DOK6: variants seen among roughly 807,000 people sequenced by gnomAD.
DOK6 encodes the protein downstream of tyrosine kinase 6.
Under a neutral mutation model 44.0 loss-of-function variants are expected in DOK6, and 22 were observed. The observed-to-expected ratio is 0.50, with a 90% CI of 0.36 to 0.71. The LOEUF is 0.71. Among genes scored for constraint, DOK6 ranks in the 30% least tolerant of loss-of-function variants. The pLI, the probability that DOK6 is intolerant of heterozygous loss-of-function variation, is 0.00. For missense variants in DOK6, 340 were observed against 416.4 expected, an observed-to-expected ratio of 0.82 and a Z score of 1.60; for synonymous variants, 166 against 145.5, an observed-to-expected ratio of 1.14 and a Z score of -1.01.
At chr18:69,692,844 A>C (rs1986298179) in intron 4 of DOK6, among the ~76,000 whole-genome samples, 1 of 152,250 alleles carries the variant, frequency 6.6e-6, no homozygotes, top group East Asian at 1.9e-4. Context: ...GTTTACAGCT[A>C]CTGTATACAT....
chr18:69,434,928 AAGGG>A (rs377517457), intron 1 of DOK6, among the ~76,000 whole-genome samples: 25,175 of 70,986 alleles, frequency 0.35, 5,249 homozygotes, highest in Middle Eastern at 0.55. Flanking sequence ...CAAAAGAAAA[AAGGG>A]AGGGAGGGAG....
chr18:69,456,565 A>G (rs1979639889), intron 1 of DOK6, among the ~76,000 whole-genome samples: 1 of 152,042 alleles, frequency 6.6e-6, no homozygotes, highest in Admixed American at 6.6e-5. Flanking sequence ...GGATACCTAA[A>G]TTGAGTCCAT....
intron 3 of DOK6, among the ~76,000 whole-genome samples, chr18:69,600,674 TA>T (rs916821931): frequency 9.6e-4 from 146 of 151,558 alleles, no homozygotes; most frequent in African/African-American, 3.3e-3. Flanking sequence ...AACTAGTATT[TA>T]AAAAAAAACT....
Position 69,836,488 on chromosome 18 carries a change from GT to G in DOK6, c.857-4746del, listed in dbSNP as rs56067551. ...TTGAACTATGAGATAAATGTGATAT[GT>G]TTTTTTTTTCCCCAGATTGTCAACA... On this transcript the variant is annotated intron_variant, in intron 7 of 7. Coordinates refer to ENST00000382713, the MANE Select transcript of DOK6 (RefSeq NM_152721.6). Among the ~76,000 whole-genome samples the G allele has an allele frequency of 7.9e-3, 1,180 of 148,638 alleles. 17 individuals carry two copies. The highest frequency in any genetic ancestry group is 0.027 in the African/African-American group (1,078 of 40,162).
intron 1 of DOK6, among the ~76,000 whole-genome samples, chr18:69,487,423 G>A (rs1247354357): frequency 1.3e-5 from 2 of 152,084 alleles, no homozygotes; most frequent in Non-Finnish European, 2.9e-5. Flanking sequence ...GACAACTGGG[G>A]CAAAATCTGC....
intron 7 of DOK6, among the ~76,000 whole-genome samples, chr18:69,785,370 G>A (rs1035011397): frequency 6.6e-6 from 1 of 152,098 alleles, no homozygotes; most frequent in African/African-American, 2.4e-5. Flanking sequence ...GTCCTGTTTT[G>A]CCCAGACATC....
intron 3 of DOK6, among the ~76,000 whole-genome samples, chr18:69,658,232 G>A (rs1028435383): frequency 3.3e-5 from 5 of 152,128 alleles, no homozygotes; most frequent in East Asian, 1.9e-4. Context: ...GAATACAAGC[G>A]TTAAGCCACC....
intron 1 of DOK6, among the ~76,000 whole-genome samples, chr18:69,505,553 A>G (rs1194533730): frequency 8.9e-5 from 12 of 134,554 alleles, no homozygotes; most frequent in African/African-American, 3.1e-4. Context: ...GCTGGAGTGC[A>G]ATGGTGTAAT....
At chr18:69,785,222 A>G (rs750788512) in intron 7 of DOK6, among the ~76,000 whole-genome samples, 2 of 152,246 alleles carry the variant, frequency 1.3e-5, no homozygotes, top group Non-Finnish European at 2.9e-5. Context: ...GGAGCTGGAC[A>G]CTAAACAGAT....
At position 69,599,641 on chromosome 18, in the gene DOK6, C is replaced by T. The variant is rs6566432; in HGVS notation, c.289+143C>T. The stretch of plus-strand genomic sequence containing the variant: ...TAGAAGACTTCGTTCAGAAGCTCAA[C>T]GTATTGATTTCTACAGATGTTTTTG... On this transcript the variant is annotated intron_variant, in intron 3 of 7. Coordinates refer to ENST00000382713, the MANE Select transcript of DOK6 (RefSeq NM_152721.6). 0.015 allele frequency: 9,225 copies of T among 629,128 alleles called. 611 individuals are homozygous for T. The African/African-American group carries it at 0.15, about 10-fold the overall frequency. The allele number at this position is 629,128 out of a possible 1,614,324, so 39.0% of individuals were successfully genotyped here.
intron 5 of DOK6, among the ~76,000 whole-genome samples, chr18:69,715,975 A>G (rs1312704457): frequency 2.0e-5 from 3 of 152,244 alleles, no homozygotes; most frequent in African/African-American, 4.8e-5. Flanking sequence ...GAGAACTAGA[A>G]AACAAAACCA....
At chr18:69,660,123 C>T (rs1441510968) in intron 3 of DOK6, 2 of 151,960 alleles carry the variant, frequency 1.3e-5, no homozygotes, top group Admixed American at 6.6e-5. Context: ...AAGCAGCTTC[C>T]ATGCATGACA....
chr18:69,806,050 G>A (rs1355195936), intron 7 of DOK6, among the ~76,000 whole-genome samples: 2 of 151,732 alleles, frequency 1.3e-5, no homozygotes, highest in East Asian at 3.9e-4. Flanking sequence ...TTTCTTCAAA[G>A]TTTCTTGGAC....
intron 7 of DOK6, among the ~76,000 whole-genome samples, chr18:69,799,179 G>A (rs753505586): frequency 4.0e-5 from 6 of 151,896 alleles, no homozygotes; most frequent in South Asian, 2.1e-4. Context: ...AAATGGAGTC[G>A]TGAGCTAAAA....
intron 5 of DOK6, among the ~76,000 whole-genome samples, chr18:69,711,631 T>C (rs1057500553): frequency 4.6e-5 from 7 of 152,202 alleles, no homozygotes; most frequent in African/African-American, 1.4e-4. Flanking sequence ...CCTTTGACAT[T>C]TGTTTGTCCA....
chr18:69,727,407 T>C (rs2144728677), intron 5 of DOK6, among the ~76,000 whole-genome samples: 1 of 152,320 alleles, frequency 6.6e-6, no homozygotes, highest in East Asian at 1.9e-4. Flanking sequence ...CATTTTTAAT[T>C]TTGGCTTTTT....
chr18:69,769,504 T>A (rs1308406139), intron 7 of DOK6, among the ~76,000 whole-genome samples: 1 of 152,114 alleles, frequency 6.6e-6, no homozygotes, highest in Non-Finnish European at 1.5e-5. Flanking sequence ...TTACCATTTA[T>A]AAATTTCTTT....
At chr18:69,557,755 C>G (rs1264218849) in intron 1 of DOK6, among the ~76,000 whole-genome samples, 1 of 152,062 alleles carries the variant, frequency 6.6e-6, no homozygotes, top group African/African-American at 2.4e-5. Flanking sequence ...ATCAGTTAAT[C>G]CCCCAGGATA....
At chr18:69,649,810 A>G (rs1248211079) in intron 3 of DOK6, among the ~76,000 whole-genome samples, 1 of 152,218 alleles carries the variant, frequency 6.6e-6, no homozygotes, top group East Asian at 1.9e-4. Context: ...AGACCTAAAT[A>G]AAAACAAGTA....
Sources: gnomAD v4.1 joint callset for allele counts (sites outside exome capture counted in the v4.1 genomes callset) on GRCh38, gnomAD v4.1.1 for gene constraint, MANE v1.5 for transcripts, NCBI Gene and HGNC (gene_info 2026-07-23, HGNC 2026-07-21) for gene names.